The following DDX10 variants were observed in gnomAD, a reference collection of about 807,000 sequenced individuals.
DDX10 encodes DEAD-box helicase 10, also known as probable ATP-dependent RNA helicase DDX10.
Under a neutral mutation model 104.3 loss-of-function variants are expected in DDX10, and 74 were observed. The observed-to-expected ratio is 0.71, with a 90% CI of 0.59 to 0.86. The LOEUF is 0.86. Ranked by LOEUF, DDX10 falls within the 40% of genes least tolerant of loss-of-function variation. The pLI is 0.00. For missense variants in DDX10, 952 were observed against 1,040.0 expected, an observed-to-expected ratio of 0.92 and a Z score of 1.16; for synonymous variants, 351 against 353.4, an observed-to-expected ratio of 0.99 and a Z score of 0.08.
At chr11:108,752,844 T>C (rs1156233869) in intron 13 of DDX10, among the ~76,000 whole-genome samples, 1 of 152,104 alleles carries the variant, frequency 6.6e-6, no homozygotes, top group Non-Finnish European at 1.5e-5. Flanking sequence ...TATAAAGTGA[T>C]TTGATTTTAT....
intron 16 of DDX10, among the ~76,000 whole-genome samples, chr11:108,905,403 AACTC>A (rs1032393123): frequency 1.3e-5 from 2 of 149,014 alleles, no homozygotes; most frequent in Non-Finnish European, 3.0e-5. Context: ...ATATTCTACT[AACTC>A]ACTGTGAACA....
chr11:108,679,630 A>G lies in DDX10; in HGVS notation c.848+70A>G, dbSNP rs888181624. On this transcript the variant is annotated intron_variant, in intron 6 of 17. Coordinates refer to ENST00000322536, the MANE Select transcript of DDX10 (RefSeq NM_004398.4). Reference sequence around the variant, plus strand: ...TTAGTTTAGGGATTTGGTATTTTAAATATCTGTTTTCTGGGAATTAAGACA... The same window carrying G: ...TTAGTTTAGGGATTTGGTATTTTAAGTATCTGTTTTCTGGGAATTAAGACA... The G allele has an allele frequency of 1.1e-5, 13 of 1,170,172 alleles. No homozygotes were observed. The African/African-American group carries it at 1.7e-4, about 15-fold the overall frequency. 72.5% of individuals were successfully genotyped at this position (1,170,172 alleles called of 1,614,324 possible). A position where few individuals can be genotyped will look rare whatever the true frequency, so the allele number is the denominator to read the frequency against.
chr11:108,897,370 A>G (rs993796153), intron 16 of DDX10, among the ~76,000 whole-genome samples: 1 of 152,232 alleles, frequency 6.6e-6, no homozygotes, highest in African/African-American at 2.4e-5. Context: ...GTGAGATAGG[A>G]AATCAAAAGC....
At chr11:108,886,530 A>G (rs1430861201) in intron 16 of DDX10, among the ~76,000 whole-genome samples, 1 of 152,184 alleles carries the variant, frequency 6.6e-6, no homozygotes, top group African/African-American at 2.4e-5. Context: ...TGGAAATCTG[A>G]GTTCTTCTAA....
chr11:108,710,525 C>T (rs1185624813), intron 10 of DDX10, among the ~76,000 whole-genome samples: 1 of 151,794 alleles, frequency 6.6e-6, no homozygotes, highest in African/African-American at 2.4e-5. Flanking sequence ...ATTTTCACAT[C>T]GTCCCACTAG....
intron 13 of DDX10, among the ~76,000 whole-genome samples, chr11:108,742,932 G>A (rs1376666878): frequency 1.3e-5 from 2 of 152,090 alleles, no homozygotes; most frequent in Admixed American, 6.5e-5. Context: ...AGTACCAGAC[G>A]AATTCACAGC....
intron 13 of DDX10, among the ~76,000 whole-genome samples, chr11:108,782,652 A>G (rs1205510500): frequency 6.6e-6 from 1 of 152,150 alleles, no homozygotes; most frequent in Non-Finnish European, 1.5e-5. Context: ...TCATTCCACA[A>G]ATGAATATGT....
intron 17 of DDX10, among the ~76,000 whole-genome samples, chr11:108,939,051 G>C (rs549279524): frequency 6.6e-6 from 1 of 152,234 alleles, no homozygotes; most frequent in Non-Finnish European, 1.5e-5. Context: ...GAAAGTTAAC[G>C]TGTATTGAGC....
Position 108,719,919 on chromosome 11 carries a change from C to G in DDX10, c.1499+34C>G, listed in dbSNP as rs189783212. 17 of 1,236,920 alleles carry G rather than the reference C, an allele frequency of 1.4e-5. No homozygotes were observed. In the African/African-American group the frequency reaches 2.4e-4, roughly 17 times the overall value. 76.6% of individuals were successfully genotyped at this position (1,236,920 alleles called of 1,614,324 possible). On this transcript the variant is annotated intron_variant, in intron 12 of 17. Transcript: ENST00000322536. Reference sequence around the variant, plus strand: ...TCATAATATAGTTGTAATAGTGAATCCTCAAGGTTAGAGGGAATTAATTAA... The same window carrying G: ...TCATAATATAGTTGTAATAGTGAATGCTCAAGGTTAGAGGGAATTAATTAA...
intron 16 of DDX10, among the ~76,000 whole-genome samples, chr11:108,863,915 G>C (rs1305940900): frequency 5.9e-5 from 9 of 151,362 alleles, no homozygotes; most frequent in African/African-American, 2.2e-4. Context: ...TTTACTGCCA[G>C]GTTGTTAGAG....
chr11:108,696,879 A>G (rs938880219), intron 9 of DDX10, among the ~76,000 whole-genome samples: 4 of 152,288 alleles, frequency 2.6e-5, no homozygotes, highest in African/African-American at 9.6e-5. Flanking sequence ...TATGAAGATT[A>G]TTGGACATGT....
chr11:108,832,348 T>G lies in DDX10; in HGVS notation c.1966-6098T>G, dbSNP rs1477401561. Among the ~76,000 whole-genome samples the G allele has an allele frequency of 2.0e-5, 3 of 152,288 alleles. No individual in the cohort carries two copies. In the East Asian group the frequency reaches 5.8e-4, roughly 29 times the overall value. ...AAATTGATTACATAAATTAAAAACT[T>G]CATCTTCACAAAAACCAAATCATAG... On this transcript the variant is annotated intron_variant, in intron 13 of 17. Transcript: ENST00000322536.
chr11:108,892,235 A>G (rs950557708), intron 16 of DDX10, among the ~76,000 whole-genome samples: 2 of 152,032 alleles, frequency 1.3e-5, no homozygotes, highest in African/African-American at 4.8e-5. Flanking sequence ...TTCTTGCTCT[A>G]TTAGTTGTCA....
At chr11:108,794,467 A>G (rs1200111326) in intron 13 of DDX10, among the ~76,000 whole-genome samples, 1 of 152,090 alleles carries the variant, frequency 6.6e-6, no homozygotes, top group Non-Finnish European at 1.5e-5. Flanking sequence ...GAGATAAAGT[A>G]TTGAGTATCT....
chr11:108,677,962 T>C (rs1005572322), intron 4 of DDX10, among the ~76,000 whole-genome samples: 3 of 152,096 alleles, frequency 2.0e-5, no homozygotes, highest in Non-Finnish European at 4.4e-5. Flanking sequence ...GTCTGTTCAA[T>C]GTCCCTGGGT....
intron 13 of DDX10, among the ~76,000 whole-genome samples, chr11:108,805,874 CAG>C (rs1202382419): frequency 2.0e-5 from 3 of 152,238 alleles, no homozygotes; most frequent in South Asian, 2.1e-4. Flanking sequence ...CTTTGATACT[CAG>C]ATATTTTTTG....
chr11:108,677,641 G>A (rs1008381628), intron 4 of DDX10, among the ~76,000 whole-genome samples: 7 of 150,290 alleles, frequency 4.7e-5, no homozygotes, highest in African/African-American at 1.7e-4. Context: ...CTCTTTAGAG[G>A]AATGTTTATA....
At chr11:108,692,208 C>T (rs2094253659) in intron 8 of DDX10, among the ~76,000 whole-genome samples, 170 bp downstream of exon 8, 1 of 152,118 alleles carries the variant, frequency 6.6e-6, no homozygotes, top group African/African-American at 2.4e-5. Context: ...AAGGATGTAT[C>T]AGTGAAAATT....
chr11:108,881,978 G>A (rs2726904), intron 16 of DDX10, among the ~76,000 whole-genome samples: 22,820 of 152,088 alleles, frequency 0.15, 2,103 homozygotes, highest in East Asian at 0.27. Context: ...TATCCTTCAA[G>A]AGCAAACCAG....
Sources: allele counts gnomAD v4.1 joint callset (sites outside exome capture counted in the v4.1 genomes callset), GRCh38; gene constraint gnomAD v4.1.1; transcripts MANE v1.5; gene names NCBI Gene and HGNC (gene_info 2026-07-23, HGNC 2026-07-21).